ITSN2: variants seen among roughly 807,000 people sequenced by gnomAD.
ITSN2 encodes intersectin 2, also known as intersectin-2.
ITSN2 carries 156 observed loss-of-function variants against 243.7 expected under a neutral mutation model. The observed-to-expected ratio is 0.64, with a 90% CI of 0.56 to 0.73. ITSN2 has a LOEUF of 0.73. Ranked by LOEUF, ITSN2 falls within the 30% of genes least tolerant of loss-of-function variation. ITSN2 has a pLI of 0.00. For synonymous variants in ITSN2, 703 were observed against 699.9 expected, an observed-to-expected ratio of 1.00 and a Z score of -0.07; for missense variants, 1,801 against 1,996.1, an observed-to-expected ratio of 0.90 and a Z score of 1.86.
intron 17 of ITSN2, among the ~76,000 whole-genome samples, chr2:24,278,111 C>T (rs1364465593): frequency 1.3e-5 from 2 of 152,164 alleles, no homozygotes; most frequent in African/African-American, 4.8e-5. Flanking sequence ...AGTACTCAGT[C>T]TAAAAGGAGA....
intron 7 of ITSN2, among the ~76,000 whole-genome samples, chr2:24,309,640 T>C (rs1471041289): frequency 2.0e-5 from 3 of 152,192 alleles, no homozygotes; most frequent in Non-Finnish European, 4.4e-5. Context: ...AGACCTTATA[T>C]TGTACTAAGG....
At chr2:24,305,594 A>G (rs1330968929) in intron 8 of ITSN2, among the ~76,000 whole-genome samples, 1 of 151,022 alleles carries the variant, frequency 6.6e-6, no homozygotes, top group Non-Finnish European at 1.5e-5. Flanking sequence ...AAAAAAAAAA[A>G]AAAAAAAGGA....
At position 24,350,025 on chromosome 2, in the gene ITSN2, C is replaced by T. The variant is rs181957440; in HGVS notation, c.-34+10279G>A. 2.6e-4 allele frequency among the ~76,000 whole-genome samples: 40 copies of T among 152,254 alleles called. No homozygotes were observed. In the East Asian group the frequency reaches 7.7e-3, roughly 29 times the overall value. On this transcript the variant is annotated intron_variant, in intron 1 of 39. Transcript: ENST00000355123. ...ACAGATTTCTTAGAAGAAAACTAAA[C>T]TAGAGCCCTCGGTAAGTTCTAGAAA...
rs756550997 is a variant in ITSN2, at chr2:24,254,383, G to A, written c.2937C>T (p.Ala979=). Residue 979 remains alanine (A), a synonymous_variant, in exon 24 of 40, where the codon GCC becomes GCT. Transcript: ENST00000355123. ...AAVNKKPTSA[A]YSVGEEYIAL... The stretch of plus-strand genomic sequence containing the variant: ...AAAGCTTACCTTCTCCAACTGAATA[G>A]GCTGCCGAGGTAGGTTTCTTATTTA... 1.2e-6 allele frequency: 2 copies of A among 1,612,222 alleles called. No individual in the cohort carries two copies. The highest frequency in any genetic ancestry group is 1.7e-4 in the Middle Eastern group (1 of 6,046).
chr2:24,242,644 GATAA>G (rs760068254), intron 29 of ITSN2, among the ~76,000 whole-genome samples: 10 of 152,036 alleles, frequency 6.6e-5, no homozygotes, highest in Non-Finnish European at 1.0e-4. Flanking sequence ...TTCAATTTCT[GATAA>G]ATAATTACTT....
chr2:24,261,147 G>A lies in ITSN2; in HGVS notation c.2641C>T (p.Arg881Ter). The change falls in exon 22 of 40, where the codon CGA becomes TGA. Residue 881 changes from arginine to a stop codon, truncating the protein, a stop_gained. Transcript: ENST00000355123. LOFTEE classifies it high-confidence loss of function. ...GATACAGATCCAGGGGACACAGTTC[G>A]AGTGAAGGCTGATTTTTTCTGCCAT... ...TSWQKKSAFT[R>*]TVSPGSVSPI... is the part of the protein sequence containing the mutation. 2.5e-6 allele frequency: 4 copies of A among 1,613,788 alleles called. No individual in the cohort carries two copies. Among genetic ancestry groups the A allele is most frequent in the Non-Finnish European group, 3.4e-6 (4 of 1,179,764 alleles).
In ITSN2 at chr2:24,261,187, T is replaced by C. The variant is rs763515790; in HGVS notation, c.2601A>G (p.Leu867=). 1.9e-5 allele frequency: 30 copies of C among 1,613,150 alleles called. No individual in the cohort carries two copies. The Admixed American group carries it at 2.3e-4, about 13-fold the overall frequency. Residue 867 remains leucine, a synonymous_variant, in exon 22 of 40, where the codon CTA becomes CTG. Coordinates refer to ENST00000355123, the MANE Select transcript of ITSN2 (RefSeq NM_006277.3). ...TDYQNVSFSN[L]TVNTSWQKKS... is the part of the protein sequence containing the mutation. ...TTTTCTGCCATGATGTATTTACAGT[T>C]AGGTTTGAAAAAGATACATTTTGAT...
chr2:24,304,899 T>C (rs1024516017), intron 8 of ITSN2, among the ~76,000 whole-genome samples: 1 of 152,198 alleles, frequency 6.6e-6, no homozygotes, highest in Non-Finnish European at 1.5e-5. Context: ...TAAAACTCAT[T>C]TGAACATGTA....
At chr2:24,227,873 C>T (rs549627863) in intron 29 of ITSN2, among the ~76,000 whole-genome samples, 2 of 151,906 alleles carry the variant, frequency 1.3e-5, no homozygotes, top group South Asian at 2.1e-4. Context: ...GAGCCAAGAT[C>T]GTGCCATTGC....
intron 8 of ITSN2, among the ~76,000 whole-genome samples, chr2:24,304,635 A>G (rs1445760731): frequency 6.6e-6 from 1 of 152,178 alleles, no homozygotes; most frequent in Non-Finnish European, 1.5e-5. Context: ...GATTCTTCTA[A>G]ATAAGAGAGA....
chr2:24,224,845 G>T (rs773902327), intron 29 of ITSN2, among the ~76,000 whole-genome samples: 19 of 152,190 alleles, frequency 1.2e-4, no homozygotes, highest in Non-Finnish European at 2.6e-4. Context: ...GGCCAGGCTG[G>T]TCTCCAACTA....
At chr2:24,277,370 T>C (rs1338379983) in intron 17 of ITSN2, among the ~76,000 whole-genome samples, 5 of 152,372 alleles carry the variant, frequency 3.3e-5, no homozygotes, top group African/African-American at 1.2e-4. Flanking sequence ...GTGAACCTTT[T>C]ACTTGATTGA....
In ITSN2 at chr2:24,295,808, T is replaced by C. The variant is rs149483860; in HGVS notation, c.1495-4A>G. 1.3e-5 allele frequency: 20 copies of C among 1,518,936 alleles called. No individual in the cohort carries two copies. The highest frequency in any genetic ancestry group is 5.2e-5 in the East Asian group (2 of 38,202). 94.1% of individuals were successfully genotyped at this position (1,518,936 alleles called of 1,614,324 possible). On this transcript the variant is annotated splice_region_variant and splice_polypyrimidine_tract_variant and intron_variant, in intron 13 of 39. Coordinates refer to ENST00000355123, the MANE Select transcript of ITSN2 (RefSeq NM_006277.3). ...AGATCTGCTGATGTTTGCCATTCTA[T>C]AGGAAGATCATATAAATATATAGTA...
At position 24,211,032 on chromosome 2, in the gene ITSN2, C is replaced by G; in HGVS notation, c.4090-85G>C. The stretch of plus-strand genomic sequence containing the variant: ...CCTTCGCAGGACCGCTCCTCCAACC[C>G]CATGTTATGGACTGCTTCCATGCCC... On this transcript the variant is annotated intron_variant, in intron 33 of 39. Transcript: ENST00000355123. The surrounding 1 kb of genome is among the most constrained non-coding windows in gnomAD (Gnocchi z 4.1). The G allele has an allele frequency of 7.5e-7, 1 of 1,332,124 alleles. No individual in the cohort carries two copies. The highest frequency in any genetic ancestry group is 1.3e-5 in the South Asian group (1 of 78,536). The allele number at this position is 1,332,124 out of a possible 1,614,324, so 82.5% of individuals were successfully genotyped here. A position where few individuals can be genotyped will look rare whatever the true frequency, so the allele number is the denominator to read the frequency against.
Position 24,261,621 on chromosome 2 carries a change from GATA to G in ITSN2, c.2474_2476del (p.Val825_Ser826delinsAla), listed in dbSNP as rs763396276. The stretch of plus-strand genomic sequence containing the variant: ...AGGAGGAAGTAAGGCCTTCTTTGGA[GATA>G]CAGCTTTTTCATTTTCACTTGATGG... On this transcript the variant is annotated inframe_deletion, in exon 21 of 40. Coordinates refer to ENST00000355123, the MANE Select transcript of ITSN2 (RefSeq NM_006277.3). 6 of 1,613,582 alleles carry G rather than the reference GATA, an allele frequency of 3.7e-6. No homozygotes were observed. In the East Asian group the frequency reaches 1.3e-4, roughly 36 times the overall value.
At chr2:24,319,985 A>G (rs1242220833) in intron 2 of ITSN2, among the ~76,000 whole-genome samples, 4 of 152,112 alleles carry the variant, frequency 2.6e-5, no homozygotes, top group Non-Finnish European at 5.9e-5. Context: ...TTTATCCTAG[A>G]TTTTCTTTTT....
In ITSN2 at chr2:24,251,312, A is replaced by AGAAAAAATAAAAAATAAAAAAAT. The variant is rs202202556; in HGVS notation, c.3120+1032_3120+1033insATTTTTTTATTTTTTATTTTTTC. On this transcript the variant is annotated intron_variant, in intron 25 of 39. Coordinates refer to ENST00000355123, the MANE Select transcript of ITSN2 (RefSeq NM_006277.3). ...GCAACAGAACTAAACTCCATCTCAA[A>AGAAAAAATAAAAAATAAAAAAAT]AAAAAAAAAAAATAAAATATATATA... Among the ~76,000 whole-genome samples the AGAAAAAATAAAAAATAAAAAAAT allele has an allele frequency of 2.9e-4, 2 of 6,940 alleles. 1 individual carries two copies. The highest frequency in any genetic ancestry group is 8.3e-4 in the African/African-American group (2 of 2,404). 4.6% of individuals were successfully genotyped at this position (6,940 alleles called of 152,430 possible).
intron 1 of ITSN2, among the ~76,000 whole-genome samples, chr2:24,333,512 T>G (rs947846363): frequency 6.6e-6 from 1 of 152,212 alleles, no homozygotes; most frequent in Non-Finnish European, 1.5e-5. Flanking sequence ...ACAGGCAATT[T>G]TGGCAAATTT....
At chr2:24,208,417 C>G in intron 36 of ITSN2, 98 bp from the exon 37 acceptor site, 1 of 877,358 alleles carries the variant, frequency 1.1e-6, no homozygotes. Flanking sequence ...CTTTTGCTAA[C>G]CTCAACTTTC....
Sources: gnomAD v4.1 joint callset for allele counts (sites outside exome capture counted in the v4.1 genomes callset) on GRCh38, gnomAD v4.1.1 for gene constraint, Gnocchi (gnomAD v3.1) non-coding constraint, MANE v1.5 for transcripts, NCBI Gene and HGNC (gene_info 2026-07-23, HGNC 2026-07-21) for gene names.